Variants in RABGEF1 observed in about 807,000 individuals in gnomAD.
RABGEF1 encodes rab5 GDP/GTP exchange factor.
A neutral mutation model predicts 57.3 loss-of-function variants in RABGEF1; 26 were observed. The ratio of observed to expected loss-of-function variants is 0.45; its 90% CI spans 0.33 to 0.63. RABGEF1 has a LOEUF of 0.63. RABGEF1 is among the 20% of genes least tolerant of loss of function. The probability of loss-of-function intolerance (pLI) is 0.02; values close to 1 mark genes in which losing one functional copy is unlikely to be tolerated. For synonymous variants in RABGEF1, 185 were observed against 210.7 expected (o/e 0.88, Z 1.06); for missense variants, 464 against 607.6 (o/e 0.76, Z 2.48).
the RABGEF1 span, among the ~76,000 whole-genome samples, chr7:66,657,997 GT>G: frequency 2.0e-5 from 3 of 151,888 alleles, no homozygotes; most frequent in Admixed American, 1.3e-4. Flanking sequence ...AAAATTAAAA[GT>G]TTTTTTTACA....
At chr7:66,795,456 CTG>C in intron 4 of RABGEF1, 53 bp from the exon 5 acceptor site, 1 of 1,428,238 alleles carries the variant, frequency 7.0e-7, no homozygotes, top group Non-Finnish European at 9.9e-7. Flanking sequence ...GAATGTAGAG[CTG>C]TGCTTCTGCA....
chr7:66,811,082 C>A lies in RABGEF1; in HGVS notation c.*1798C>A, dbSNP rs1217892747. On this transcript the variant is annotated 3_prime_UTR_variant, in exon 9 of 9. Transcript: ENST00000284957. ...CTTCTTTGGTTTAATTTTCTATGTG[C>A]TTTTAGGTGTGAATCCAGATATGCG... 6.6e-6 allele frequency: 1 copy of A among 152,158 alleles called. No homozygotes were observed. Among genetic ancestry groups the A allele is most frequent in the African/African-American group, 2.4e-5 (1 of 41,450 alleles). The allele number at this position is 152,158 out of a possible 1,614,324, so 9.4% of individuals were successfully genotyped here.
the RABGEF1 span, among the ~76,000 whole-genome samples, chr7:66,667,938 T>C: frequency 0.015 from 2,224 of 152,164 alleles, 62 homozygotes; most frequent in East Asian, 0.094. Context: ...GCTGGAATTA[T>C]AGGCACATGC....
Position 66,797,460 on chromosome 7 carries a change from A to G in RABGEF1, c.682A>G (p.Thr228Ala). 1 of 1,611,546 alleles carries G rather than the reference A, an allele frequency of 6.2e-7. No individual in the cohort carries two copies. The highest frequency in any genetic ancestry group is 8.5e-7 in the Non-Finnish European group (1 of 1,179,690). Residue 228 changes from threonine to alanine, a missense_variant, in exon 6 of 9, where the codon ACT becomes GCT. Coordinates refer to ENST00000284957, the MANE Select transcript of RABGEF1 (RefSeq NM_014504.3). ...RLYKYVFCPE[T>A]TDDEKKDLAI... ...CTATAAATATGTATTCTGTCCAGAA[A>G]CTACTGATGATGAGAAGAAAGATCT... is the stretch of plus-strand genomic sequence containing the variant.
intron 1 of RABGEF1, among the ~76,000 whole-genome samples, chr7:66,753,171 A>G (rs1207996501): frequency 6.6e-6 from 1 of 152,226 alleles, no homozygotes. Context: ...GAAGGTGAAC[A>G]GACAGAAGGG....
At chr7:66,721,930 C>G (rs1348322574) in intron 2 of RABGEF1, among the ~76,000 whole-genome samples, 1 of 152,084 alleles carries the variant, frequency 6.6e-6, no homozygotes, top group East Asian at 1.9e-4. Context: ...GTGGGAGGAT[C>G]ACTTTGAGGT....
intron 1 of RABGEF1, among the ~76,000 whole-genome samples, chr7:66,711,006 A>T (rs1794702922): frequency 6.6e-6 from 1 of 152,110 alleles, no homozygotes; most frequent in African/African-American, 2.4e-5. Flanking sequence ...AGGAAATAAA[A>T]AAACTTAGCC....
At chr7:66,674,463 C>T in the RABGEF1 span, among the ~76,000 whole-genome samples, 3 of 152,088 alleles carry the variant, frequency 2.0e-5, no homozygotes, top group South Asian at 6.2e-4. Context: ...GCTGGGATCA[C>T]AGGTGTGAGC....
chr7:66,768,137 A>C (rs1184964533), intron 1 of RABGEF1, among the ~76,000 whole-genome samples: 1 of 152,208 alleles, frequency 6.6e-6, no homozygotes, highest in African/African-American at 2.4e-5. Flanking sequence ...CAGGAGAGGG[A>C]TTGCAAGCAA....
intron 1 of RABGEF1, among the ~76,000 whole-genome samples, chr7:66,688,683 C>T (rs145828639): frequency 1.1e-3 from 163 of 152,234 alleles, no homozygotes; most frequent in African/African-American, 3.6e-3. Flanking sequence ...TGAAATCATA[C>T]AGGAAATTAG....
intron 2 of RABGEF1, among the ~76,000 whole-genome samples, chr7:66,721,623 C>G (rs1325626928): frequency 3.3e-5 from 5 of 152,226 alleles, no homozygotes; most frequent in South Asian, 4.2e-4. Context: ...TTATGAGAAA[C>G]TTTGCAGTGG....
At chr7:66,761,235 A>T (rs749373528) in intron 1 of RABGEF1, among the ~76,000 whole-genome samples, 1 of 152,036 alleles carries the variant, frequency 6.6e-6, no homozygotes, top group Non-Finnish European at 1.5e-5. Context: ...CTACCAGGAG[A>T]TAGTGTCAGA....
Position 66,713,989 on chromosome 7 carries a change from G to C in RABGEF1, c.-815+1765G>C, listed in dbSNP as rs535492436. ...TTTGCTACTTTTTTTGAGTTTTTTT[G>C]GTCTATGTTCATAGAGACTATTGGT... On this transcript the variant is annotated intron_variant and NMD_transcript_variant, in intron 2 of 9. Transcript: ENST00000607882. Among the ~76,000 whole-genome samples, 33 of 151,900 alleles carry C rather than the reference G, an allele frequency of 2.2e-4. No individual in the cohort carries two copies. The South Asian group carries it at 6.8e-3, about 32-fold the overall frequency.
At chr7:66,680,282 T>C (rs1403043511), upstream of RABGEF1, among the ~76,000 whole-genome samples, 1 of 152,142 alleles carries the variant, frequency 6.6e-6, no homozygotes, top group Admixed American at 6.5e-5. Context: ...GTTTCGCTCT[T>C]GTTGCCCAAG....
chr7:66,739,683 A>G (rs1490638028), upstream of RABGEF1: 1 of 115,808 alleles, frequency 8.6e-6, no homozygotes, highest in Admixed American at 9.0e-5. Context: ...AAAAAAAAAA[A>G]TAGACTGAAA....
chr7:66,799,696 CT>C (rs1253600532), intron 7 of RABGEF1, among the ~76,000 whole-genome samples: 1 of 151,756 alleles, frequency 6.6e-6, no homozygotes, highest in East Asian at 1.9e-4. Context: ...TTTTGTACTT[CT>C]TTTTTTATTT....
At chr7:66,731,509 G>C (rs979372070) in intron 2 of RABGEF1, among the ~76,000 whole-genome samples, 2 of 152,050 alleles carry the variant, frequency 1.3e-5, no homozygotes, top group Admixed American at 1.3e-4. Flanking sequence ...TTAAGCACTA[G>C]GAGTTGAGAC....
At chr7:66,741,336 C>T (rs1798894326) in intron 1 of RABGEF1, among the ~76,000 whole-genome samples, 1 of 152,168 alleles carries the variant, frequency 6.6e-6, no homozygotes, top group African/African-American at 2.4e-5. Context: ...GGATTTGAAG[C>T]CTGTGGTCCT....
intron 1 of RABGEF1, among the ~76,000 whole-genome samples, chr7:66,765,589 G>T (rs1398148670): frequency 1.3e-5 from 2 of 152,280 alleles, no homozygotes; most frequent in African/African-American, 4.8e-5. Context: ...AATCATTCAG[G>T]ACGTACAGGA....
Sources: allele counts gnomAD v4.1 joint callset (sites outside exome capture counted in the v4.1 genomes callset), GRCh38; gene constraint gnomAD v4.1.1; transcripts MANE v1.5; gene names NCBI Gene and HGNC (gene_info 2026-07-23, HGNC 2026-07-21).